CTNNA2: variants seen among roughly 807,000 people sequenced by gnomAD.
The protein encoded by CTNNA2 is catenin alpha 2.
A neutral mutation model predicts 101.0 loss-of-function variants in CTNNA2; 42 were observed. That is an observed-to-expected ratio of 0.42 (90% confidence interval 0.32 to 0.54). CTNNA2 has a LOEUF of 0.54. CTNNA2 is among the 20% of genes least tolerant of loss of function. CTNNA2 has a pLI of 0.14. For synonymous variants in CTNNA2, 450 were observed against 456.4 expected (o/e 0.99, Z 0.18); for missense variants, 871 against 1,223.1 (o/e 0.71, Z 4.29).
chr2:80,052,616 G>T (rs147610464), intron 7 of CTNNA2, among the ~76,000 whole-genome samples: 1 of 152,312 alleles, frequency 6.6e-6, no homozygotes, highest in East Asian at 1.9e-4. Context: ...ACTTCAAATA[G>T]AGTAAAACTT....
At chr2:80,254,036 C>T (rs1671957721) in intron 7 of CTNNA2, among the ~76,000 whole-genome samples, 1 of 152,228 alleles carries the variant, frequency 6.6e-6, no homozygotes, top group African/African-American at 2.4e-5. Flanking sequence ...CCAAGCCAAA[C>T]ATGCTTGCCA....
chr2:80,473,309 C>T (rs752401033), intron 9 of CTNNA2, among the ~76,000 whole-genome samples: 7 of 152,090 alleles, frequency 4.6e-5, no homozygotes, highest in Admixed American at 1.3e-4. Flanking sequence ...GCTGCTGGCA[C>T]GTTGCAAAGT....
intron 7 of CTNNA2, among the ~76,000 whole-genome samples, chr2:80,036,648 CAAG>C (rs1187249821): frequency 1.2e-4 from 18 of 152,000 alleles, no homozygotes; most frequent in Admixed American, 1.0e-3. Context: ...TAGAAACACT[CAAG>C]GAGATAAACA....
At chr2:80,194,384 A>C (rs1899705) in intron 7 of CTNNA2, among the ~76,000 whole-genome samples, 34,381 of 152,092 alleles carry the variant, frequency 0.23, 5,939 homozygotes, top group African/African-American at 0.48. Flanking sequence ...AATTAATGTG[A>C]GATGTTCTTA....
Position 80,507,456 on chromosome 2 carries a change from G to A in CTNNA2, c.1291-37526G>A, listed in dbSNP as rs978650886. ...CTACTCTGCCTGCTAAATTAACCTC[G>A]ATGTTTCAAGAGAAAAATCTATGAC... On this transcript the variant is annotated intron_variant, in intron 9 of 18. Transcript: ENST00000402739. Among the ~76,000 whole-genome samples the A allele has an allele frequency of 5.3e-5, 8 of 152,016 alleles. No homozygotes were observed. The South Asian group carries it at 6.2e-4, about 12-fold the overall frequency.
intron 1 of CTNNA2, among the ~76,000 whole-genome samples, chr2:79,544,064 A>C (rs1200585469): frequency 6.6e-6 from 1 of 152,032 alleles, no homozygotes. Flanking sequence ...CAGCCTCCTG[A>C]GTAGCTGAGA....
At chr2:79,430,212 A>G (rs6722266) in intron 4 of CTNNA2, among the ~76,000 whole-genome samples, 73,010 of 151,848 alleles carry the variant, frequency 0.48, 18,351 homozygotes, top group East Asian at 0.64. Context: ...TACACCAAAA[A>G]GGCTGTAATT....
At chr2:80,628,755 G>A (rs1229624667) in intron 18 of CTNNA2, among the ~76,000 whole-genome samples, 2 of 152,036 alleles carry the variant, frequency 1.3e-5, no homozygotes, top group Non-Finnish European at 2.9e-5. Context: ...TTGTTTCCCA[G>A]TAGCCTTCCC....
chr2:79,338,575 A>ATATTCT (rs879675967), intron 3 of CTNNA2, among the ~76,000 whole-genome samples: 18 of 115,422 alleles, frequency 1.6e-4, no homozygotes, highest in African/African-American at 5.8e-4. Context: ...CTTCCTCCTC[A>ATATTCT]TCATCTTCTT....
At chr2:79,982,230 A>AT (rs1553420938) in intron 7 of CTNNA2, among the ~76,000 whole-genome samples, 1,173 of 96,432 alleles carry the variant, frequency 0.012, 77 homozygotes, top group African/African-American at 0.053. Flanking sequence ...ATATATATAT[A>AT]TATATATATA....
At chr2:79,676,899 C>T (rs1683223270) in intron 2 of CTNNA2, among the ~76,000 whole-genome samples, 1 of 152,124 alleles carries the variant, frequency 6.6e-6, no homozygotes, top group Non-Finnish European at 1.5e-5. Context: ...AAAAGAGATA[C>T]AGGTTCCCTC....
At chr2:79,871,407 C>T (rs951611092) in intron 5 of CTNNA2, among the ~76,000 whole-genome samples, 6 of 152,124 alleles carry the variant, frequency 3.9e-5, no homozygotes, top group Non-Finnish European at 8.8e-5. Flanking sequence ...AACAAAGTTA[C>T]TCTGAATAGT....
At chr2:80,229,200 T>C (rs1709057664) in intron 7 of CTNNA2, among the ~76,000 whole-genome samples, 1 of 152,182 alleles carries the variant, frequency 6.6e-6, no homozygotes, top group African/African-American at 2.4e-5. Context: ...ACATCAGATA[T>C]GGAGTATTTT....
intron 1 of CTNNA2, among the ~76,000 whole-genome samples, chr2:79,616,382 G>A (rs972991017): frequency 1.3e-5 from 2 of 152,170 alleles, no homozygotes; most frequent in African/African-American, 4.8e-5. Context: ...TAGGAAGGAT[G>A]TAAAACAGAA....
At chr2:80,004,529 C>A (rs762649491) in intron 7 of CTNNA2, among the ~76,000 whole-genome samples, 1 of 152,052 alleles carries the variant, frequency 6.6e-6, no homozygotes, top group South Asian at 2.1e-4. Flanking sequence ...CAATGCTTTA[C>A]CTGCATTTTC....
At chr2:79,249,425 C>T (rs1031050474) in intron 2 of CTNNA2, among the ~76,000 whole-genome samples, 51 of 152,262 alleles carry the variant, frequency 3.3e-4, no homozygotes, top group African/African-American at 1.2e-3. Flanking sequence ...TATCACATCA[C>T]CTGGACGTTA....
intron 7 of CTNNA2, among the ~76,000 whole-genome samples, chr2:80,067,950 C>G (rs13392252): frequency 2.6e-5 from 4 of 152,270 alleles, no homozygotes; most frequent in Non-Finnish European, 5.9e-5. Context: ...ACATCTTGAC[C>G]GCAACCTGAT....
intron 2 of CTNNA2, among the ~76,000 whole-genome samples, chr2:79,258,212 A>G (rs1281161875): frequency 2.0e-5 from 3 of 152,206 alleles, no homozygotes; most frequent in Non-Finnish European, 2.9e-5. Context: ...TACAAATGCC[A>G]AGCAGAATTT....
At chr2:80,417,011 T>G (rs1279284656) in intron 8 of CTNNA2, among the ~76,000 whole-genome samples, 11 of 151,976 alleles carry the variant, frequency 7.2e-5, no homozygotes, top group Non-Finnish European at 1.6e-4. Flanking sequence ...TGAAATGCAG[T>G]TTTTTCCCCC....
Sources: gnomAD v4.1 joint callset for allele counts (sites outside exome capture counted in the v4.1 genomes callset) on GRCh38, gnomAD v4.1.1 for gene constraint, MANE v1.5 for transcripts, NCBI Gene and HGNC (gene_info 2026-07-23, HGNC 2026-07-21) for gene names.